Variants in ZMYND8 observed in about 807,000 individuals in gnomAD.
The protein encoded by ZMYND8 is zinc finger MYND-type containing 8.
In ZMYND8, 37 loss-of-function variants were observed where a neutral mutation model predicts 140.8. The observed-to-expected ratio is 0.26, with a 90% confidence interval of 0.20 to 0.35. ZMYND8 has a LOEUF of 0.35. Among genes scored for constraint, ZMYND8 ranks in the 10% least tolerant of loss-of-function variants. The pLI is 1.00. For missense variants in ZMYND8, 1,068 were observed against 1,570.0 expected (o/e 0.68, Z 5.40); for synonymous variants, 592 against 597.1 (o/e 0.99, Z 0.12).
At chr20:47,277,868 A>T (rs952740945) in intron 10 of ZMYND8, among the ~76,000 whole-genome samples, 1 of 151,968 alleles carries the variant, frequency 6.6e-6, no homozygotes, top group African/African-American at 2.4e-5. Flanking sequence ...ACGGTGTTTC[A>T]CTATATGTTA....
chr20:47,331,498 T>TG (rs1342035646), intron 2 of ZMYND8, among the ~76,000 whole-genome samples: 1 of 152,176 alleles, frequency 6.6e-6, no homozygotes, highest in Non-Finnish European at 1.5e-5. Flanking sequence ...GCTGACCCTC[T>TG]GCACCATGAC....
At chr20:47,242,360 G>C (rs569258549) in intron 14 of ZMYND8, among the ~76,000 whole-genome samples, 2 of 152,306 alleles carry the variant, frequency 1.3e-5, no homozygotes, top group African/African-American at 4.8e-5. Flanking sequence ...TCTGGAAGGA[G>C]AGCTTCCTGC....
chr20:47,312,116 T>C (rs1164075066), intron 2 of ZMYND8, among the ~76,000 whole-genome samples: 1 of 152,164 alleles, frequency 6.6e-6, no homozygotes, highest in Non-Finnish European at 1.5e-5. Context: ...TCTGCGAAGA[T>C]GTCAATTACC....
intron 2 of ZMYND8, among the ~76,000 whole-genome samples, chr20:47,332,088 G>A (rs915940273): frequency 5.3e-5 from 8 of 150,042 alleles, no homozygotes; most frequent in Admixed American, 1.3e-4. Context: ...TGAGGCAGGC[G>A]GATCACGAGG....
At chr20:47,332,067 C>G (rs1445883227) in intron 2 of ZMYND8, among the ~76,000 whole-genome samples, 1 of 151,874 alleles carries the variant, frequency 6.6e-6, no homozygotes, top group Non-Finnish European at 1.5e-5. Flanking sequence ...AAAAAATACA[C>G]TTTGGAAGGC....
At chr20:47,221,212 C>A (rs1024688143) in intron 20 of ZMYND8, 102 bp downstream of exon 20, 5 of 1,479,134 alleles carry the variant, frequency 3.4e-6, no homozygotes, top group Non-Finnish European at 4.6e-6. Flanking sequence ...TTAGGACAAG[C>A]CTCCCACAAC....
intron 2 of ZMYND8, among the ~76,000 whole-genome samples, chr20:47,347,106 T>A (rs1397120303): frequency 6.6e-6 from 1 of 152,184 alleles, no homozygotes; most frequent in Non-Finnish European, 1.5e-5. Context: ...GTTGAAGGAA[T>A]GAAAACACCT....
intron 1 of ZMYND8, chr20:47,353,450 T>C (rs1271316106): frequency 1.3e-5 from 2 of 152,220 alleles, no homozygotes; most frequent in South Asian, 2.1e-4. Context: ...GCTCAGCAAT[T>C]AGAAAAACTC....
chr20:47,338,305 C>T (rs1474014365), intron 2 of ZMYND8, among the ~76,000 whole-genome samples: 1 of 152,096 alleles, frequency 6.6e-6, no homozygotes, highest in African/African-American at 2.4e-5. Context: ...GCAGTGGGAG[C>T]AGCTTCACAC....
chr20:47,287,382 C>T (rs186394334), intron 7 of ZMYND8, 98 bp from the exon 8 acceptor site: 2 of 1,066,974 alleles, frequency 1.9e-6, no homozygotes, highest in Non-Finnish European at 2.9e-6. Context: ...CTTGCTTTTC[C>T]CCCAGGATTA....
chr20:47,246,548 C>T (rs747473628), intron 13 of ZMYND8, 31 bp from the exon 14 acceptor site: 32 of 1,536,744 alleles, frequency 2.1e-5, no homozygotes, highest in South Asian at 8.7e-5. Context: ...CAGCATGTGG[C>T]GTAGTCACAA....
Position 47,211,030 on chromosome 20 carries a change from C to T in ZMYND8, c.3569-133G>A, listed in dbSNP as rs556936356. 49 of 1,222,008 alleles carry T rather than the reference C, an allele frequency of 4.0e-5. No homozygotes were observed. The African/African-American group carries it at 6.2e-4, about 15-fold the overall frequency. 75.7% of individuals were successfully genotyped at this position (1,222,008 alleles called of 1,614,324 possible). A position where few individuals can be genotyped will look rare whatever the true frequency, so the allele number is the denominator to read the frequency against. Reference sequence around the variant, plus strand: ...CAATTGATGGTTCAAACACTGCCACCGCTGACTGCCCTGCATCTGTGGGTC... The same window carrying T: ...CAATTGATGGTTCAAACACTGCCACTGCTGACTGCCCTGCATCTGTGGGTC... On this transcript the variant is annotated intron_variant, in intron 22 of 22. Coordinates refer to ENST00000471951, the MANE Select transcript of ZMYND8 (RefSeq NM_001281775.3).
chr20:47,261,797 C>A (rs567236580), intron 12 of ZMYND8, among the ~76,000 whole-genome samples: 2 of 152,228 alleles, frequency 1.3e-5, no homozygotes, highest in South Asian at 4.1e-4. Context: ...TTGGGCCAGG[C>A]ATGGTGGTTT....
intron 18 of ZMYND8, 102 bp from the exon 19 acceptor site, chr20:47,224,658 G>T: frequency 6.4e-7 from 1 of 1,557,186 alleles, no homozygotes; most frequent in African/African-American, 1.3e-5. Flanking sequence ...GCAAGACCTG[G>T]CTGGGAGAAG....
Position 47,235,542 on chromosome 20 carries a change from TA to T in ZMYND8, c.2856+783del, listed in dbSNP as rs1175155399. On this transcript the variant is annotated intron_variant, in intron 16 of 22. Coordinates refer to ENST00000471951, the MANE Select transcript of ZMYND8 (RefSeq NM_001281775.3). Reference sequence around the variant, plus strand: ...CGACATGGCGAAACCCCATCTCTACTAAAAAAATACAAAGATTAGCCAGGCA... The same window carrying T: ...CGACATGGCGAAACCCCATCTCTACTAAAAAATACAAAGATTAGCCAGGCA... Among the ~76,000 whole-genome samples the T allele has an allele frequency of 3.3e-5, 5 of 151,882 alleles. No individual in the cohort carries two copies. In the East Asian group the frequency reaches 9.7e-4, roughly 29 times the overall value.
At chr20:47,264,643 T>G (rs1404579765) in intron 11 of ZMYND8, among the ~76,000 whole-genome samples, 1 of 149,188 alleles carries the variant, frequency 6.7e-6, no homozygotes, top group African/African-American at 2.4e-5. Context: ...GCCTAGCACG[T>G]GGCATGCCAC....
At chr20:47,280,785 C>T (rs2076559472) in intron 10 of ZMYND8, among the ~76,000 whole-genome samples, 2 of 152,244 alleles carry the variant, frequency 1.3e-5, no homozygotes, top group East Asian at 3.9e-4. Flanking sequence ...AAAAAACAAA[C>T]TCCTGCCTAC....
chr20:47,262,466 A>C, intron 11 of ZMYND8, 38 bp from the exon 12 acceptor site: 2 of 1,612,908 alleles, frequency 1.2e-6, no homozygotes, highest in Non-Finnish European at 1.7e-6. Context: ...CAGGTTTACA[A>C]ATAAACAAGT....
intron 14 of ZMYND8, among the ~76,000 whole-genome samples, chr20:47,241,373 C>T (rs1398714864): frequency 4.7e-5 from 7 of 148,758 alleles, no homozygotes; most frequent in Admixed American, 1.3e-4. Context: ...ACGGGAAAGA[C>T]AATGAATGTG....
Sources: gnomAD v4.1 joint callset for allele counts (sites outside exome capture counted in the v4.1 genomes callset) on GRCh38, gnomAD v4.1.1 for gene constraint, MANE v1.5 for transcripts, NCBI Gene and HGNC (gene_info 2026-07-23, HGNC 2026-07-21) for gene names.